Variants in PIK3C2A observed in about 807,000 individuals in gnomAD.
PIK3C2A encodes the protein phosphatidylinositol-4-phosphate 3-kinase catalytic subunit type 2 alpha, also known as phosphatidylinositol 4-phosphate 3-kinase C2 domain-containing subunit alpha.
A neutral mutation model predicts 204.5 loss-of-function variants in PIK3C2A; 97 were observed. That is an observed-to-expected ratio of 0.47 (90% confidence interval 0.40 to 0.56). The LOEUF is 0.56. Among genes scored for constraint, PIK3C2A ranks in the 20% least tolerant of loss-of-function variants. The probability of loss-of-function intolerance (pLI) is 0.00; values close to 1 mark genes in which losing one functional copy is unlikely to be tolerated. For missense variants in PIK3C2A, 1,735 were observed against 1,969.2 expected, an observed-to-expected ratio of 0.88 and a Z score of 2.25; for synonymous variants, 653 against 664.4, an observed-to-expected ratio of 0.98 and a Z score of 0.26.
chr11:17,202,959 A>G (rs753891363), intron 1 of PIK3C2A, among the ~76,000 whole-genome samples: 1 of 152,244 alleles, frequency 6.6e-6, no homozygotes, highest in East Asian at 1.9e-4. Flanking sequence ...CATGTTAATT[A>G]TACACTATCT....
chr11:17,093,151 A>G (rs901841821), intron 28 of PIK3C2A, among the ~76,000 whole-genome samples: 3 of 152,242 alleles, frequency 2.0e-5, no homozygotes, highest in Non-Finnish European at 4.4e-5. Context: ...TGAAGAAAAT[A>G]TGAAAAAACT....
intron 1 of PIK3C2A, among the ~76,000 whole-genome samples, chr11:17,197,018 G>A (rs1003838441): frequency 6.6e-6 from 1 of 152,008 alleles, no homozygotes; most frequent in Admixed American, 6.6e-5. Context: ...GGTGAGCCTG[G>A]CCAGGCACGG....
intron 20 of PIK3C2A, among the ~76,000 whole-genome samples, 156 bp downstream of exon 20, chr11:17,114,205 T>A (rs1256171933): frequency 6.6e-6 from 1 of 151,924 alleles, no homozygotes; most frequent in Non-Finnish European, 1.5e-5. Flanking sequence ...GGTAAAAAAA[T>A]ATGCTAAGAT....
chr11:17,095,302 G>A lies in PIK3C2A; in HGVS notation c.4327-917C>T, dbSNP rs369420003. Among the ~76,000 whole-genome samples, 21 of 151,268 alleles carry A rather than the reference G, an allele frequency of 1.4e-4. No homozygotes were observed. The East Asian group carries it at 3.3e-3, about 24-fold the overall frequency. On this transcript the variant is annotated intron_variant, in intron 27 of 32. Coordinates refer to ENST00000691414, the MANE Select transcript of PIK3C2A (RefSeq NM_002645.4). Reference sequence around the variant, plus strand: ...ATAAAAATAGTCCAGGCAGCCGGGCGCAGTGGTTCACGCCTGTAATCCCAG... The same window carrying A: ...ATAAAAATAGTCCAGGCAGCCGGGCACAGTGGTTCACGCCTGTAATCCCAG...
At chr11:17,175,589 A>AT (rs1235367080) in intron 1 of PIK3C2A, among the ~76,000 whole-genome samples, 1 of 152,246 alleles carries the variant, frequency 6.6e-6, no homozygotes, top group Admixed American at 6.5e-5. Context: ...GAAAGACAAT[A>AT]TAACTAGTAT....
At chr11:17,140,416 T>A (rs1200943997) in intron 8 of PIK3C2A, among the ~76,000 whole-genome samples, 1 of 152,192 alleles carries the variant, frequency 6.6e-6, no homozygotes, top group African/African-American at 2.4e-5. Flanking sequence ...TAAGTCCAAA[T>A]GCTAATCATT....
chr11:17,113,237 A>C (rs934904694), intron 20 of PIK3C2A, among the ~76,000 whole-genome samples: 2 of 152,138 alleles, frequency 1.3e-5, no homozygotes, highest in African/African-American at 4.8e-5. Flanking sequence ...ATACTTTTTG[A>C]AACTTAAACA....
chr11:17,156,636 G>C (rs1178077664), intron 2 of PIK3C2A, among the ~76,000 whole-genome samples: 1 of 152,160 alleles, frequency 6.6e-6, no homozygotes, highest in African/African-American at 2.4e-5. Context: ...GCCTGCCTCA[G>C]CACACAAGAT....
At chr11:17,108,512 A>G (rs1261063609) in intron 22 of PIK3C2A, among the ~76,000 whole-genome samples, 2 of 152,112 alleles carry the variant, frequency 1.3e-5, no homozygotes, top group Non-Finnish European at 2.9e-5. Context: ...TAATTTTGGG[A>G]GGCTGAGGCA....
At chr11:17,201,099 A>G (rs567411596) in intron 1 of PIK3C2A, among the ~76,000 whole-genome samples, 4 of 152,174 alleles carry the variant, frequency 2.6e-5, no homozygotes, top group Admixed American at 1.3e-4. Context: ...CCAGCTACTC[A>G]GGAAGCTGAG....
At chr11:17,139,795 C>A (rs1849999397) in intron 8 of PIK3C2A, among the ~76,000 whole-genome samples, 1 of 152,158 alleles carries the variant, frequency 6.6e-6, no homozygotes, top group Non-Finnish European at 1.5e-5. Flanking sequence ...TGCTTCCAGT[C>A]CTCACACTCT....
chr11:17,094,968 G>T (rs1848410991), intron 27 of PIK3C2A, among the ~76,000 whole-genome samples: 1 of 152,142 alleles, frequency 6.6e-6, no homozygotes, highest in African/African-American at 2.4e-5. Context: ...AAAAGTGTAA[G>T]CTGGGCACGG....
At chr11:17,202,383 G>A (rs1410417537) in intron 1 of PIK3C2A, among the ~76,000 whole-genome samples, 3 of 151,988 alleles carry the variant, frequency 2.0e-5, no homozygotes, top group Non-Finnish European at 4.4e-5. Context: ...AGACCAGCCT[G>A]GACAATGTGG....
chr11:17,159,816 A>C (rs1850717784), intron 2 of PIK3C2A, among the ~76,000 whole-genome samples: 1 of 152,204 alleles, frequency 6.6e-6, no homozygotes, highest in African/African-American at 2.4e-5. Flanking sequence ...AAGGAGAGCA[A>C]TGGTGCAGTT....
intron 19 of PIK3C2A, among the ~76,000 whole-genome samples, chr11:17,115,384 A>G (rs1413680891): frequency 6.7e-6 from 1 of 150,282 alleles, no homozygotes. Context: ...AAAAAAAAAA[A>G]AAAAAAAAAA....
At chr11:17,152,852 GT>G (rs949144967) in intron 3 of PIK3C2A, among the ~76,000 whole-genome samples, 1 of 152,024 alleles carries the variant, frequency 6.6e-6, no homozygotes, top group Admixed American at 6.6e-5. Context: ...AAAAATGAGG[GT>G]TTTGAAAAAT....
chr11:17,092,549 A>G (rs1478133826), intron 28 of PIK3C2A, among the ~76,000 whole-genome samples: 2 of 152,120 alleles, frequency 1.3e-5, no homozygotes, highest in Non-Finnish European at 2.9e-5. Flanking sequence ...TCAGATACCT[A>G]TAATCCCAGC....
At chr11:17,168,043 G>A (rs960377667) in intron 2 of PIK3C2A, among the ~76,000 whole-genome samples, 8 of 151,812 alleles carry the variant, frequency 5.3e-5, no homozygotes, top group African/African-American at 1.9e-4. Context: ...ATAAGGAAGA[G>A]AAAGAAGGGA....
At chr11:17,122,673 C>T in intron 14 of PIK3C2A, 29 bp downstream of exon 14, 1 of 969,982 alleles carries the variant, frequency 1.0e-6, no homozygotes, top group Non-Finnish European at 1.7e-6. Flanking sequence ...TAAATGTACA[C>T]CTCTCTACAT....
Sources: gnomAD v4.1 joint callset for allele counts (sites outside exome capture counted in the v4.1 genomes callset) on GRCh38, gnomAD v4.1.1 for gene constraint, MANE v1.5 for transcripts, NCBI Gene and HGNC (gene_info 2026-07-23, HGNC 2026-07-21) for gene names.